CDK14: variants seen among roughly 807,000 people sequenced by gnomAD.
CDK14 encodes cyclin dependent kinase 14.
In CDK14, 34 loss-of-function variants were observed where a neutral mutation model predicts 60.7. The observed-to-expected ratio is 0.56, with a 90% CI of 0.43 to 0.75. The LOEUF (loss-of-function observed/expected upper bound fraction) is 0.75, where lower values mean the gene tolerates loss of function less well. CDK14 is among the 30% of genes least tolerant of loss of function. The pLI, the probability that CDK14 is intolerant of heterozygous loss-of-function variation, is 0.00. For synonymous variants in CDK14, 197 were observed against 203.7 expected (o/e 0.97, Z 0.28); for missense variants, 482 against 564.1 (o/e 0.85, Z 1.47).
chr7:90,737,621 C>G (rs928895948), intron 3 of CDK14, among the ~76,000 whole-genome samples: 1 of 152,156 alleles, frequency 6.6e-6, no homozygotes, highest in African/African-American at 2.4e-5. Flanking sequence ...AACCAAGTTA[C>G]CTATCAATGA....
At chr7:90,757,280 T>C (rs1804115782) in intron 4 of CDK14, among the ~76,000 whole-genome samples, 1 of 147,668 alleles carries the variant, frequency 6.8e-6, no homozygotes, top group South Asian at 2.1e-4. Flanking sequence ...AAGTTTTCCC[T>C]TTCTGTCAGG....
chr7:91,136,700 T>G (rs1357409783), intron 14 of CDK14, among the ~76,000 whole-genome samples: 1 of 152,220 alleles, frequency 6.6e-6, no homozygotes. Flanking sequence ...CTTGAGGTTT[T>G]CTGAATTAAG....
chr7:90,931,613 A>G (rs1468095618), intron 8 of CDK14, among the ~76,000 whole-genome samples: 4 of 152,240 alleles, frequency 2.6e-5, no homozygotes, highest in Non-Finnish European at 4.4e-5. Flanking sequence ...AGGAAGGGAT[A>G]AGAGAGGAAA....
intron 4 of CDK14, among the ~76,000 whole-genome samples, chr7:90,758,809 A>C (rs1415973664): frequency 1.3e-5 from 2 of 152,240 alleles, no homozygotes; most frequent in African/African-American, 2.4e-5. Context: ...CTATCCCAGC[A>C]CTTTGCAAGG....
At chr7:91,088,589 G>GTA (rs1798708335) in intron 12 of CDK14, among the ~76,000 whole-genome samples, 1 of 151,638 alleles carries the variant, frequency 6.6e-6, no homozygotes, top group Admixed American at 6.6e-5. Flanking sequence ...GTGTGTGTGT[G>GTA]TGTGGTTATT....
chr7:90,709,657 A>G, intron 2 of CDK14: 1 of 1,599,274 alleles, frequency 6.3e-7, no homozygotes, highest in Non-Finnish European at 8.5e-7. Context: ...TTTGGAGAAA[A>G]TAATTGAGCT....
At chr7:91,013,657 T>G (rs34733080) in intron 10 of CDK14, among the ~76,000 whole-genome samples, 704 of 41,222 alleles carry the variant, frequency 0.017, 3 homozygotes, top group South Asian at 0.045. Flanking sequence ...ATTGCCTCTG[T>G]TTTTTTTTTT....
chr7:90,998,519 CTG>C (rs1465266313), intron 10 of CDK14, among the ~76,000 whole-genome samples: 2 of 152,086 alleles, frequency 1.3e-5, no homozygotes, highest in Non-Finnish European at 2.9e-5. Flanking sequence ...TTTATGGAAA[CTG>C]TGGTAGGTGG....
chr7:90,901,206 C>T (rs1257290606), intron 7 of CDK14, among the ~76,000 whole-genome samples: 1 of 152,112 alleles, frequency 6.6e-6, no homozygotes, highest in Non-Finnish European at 1.5e-5. Flanking sequence ...GTCCAGGTTG[C>T]ACCATGGTGA....
intron 4 of CDK14, among the ~76,000 whole-genome samples, chr7:90,765,315 C>T (rs1325624036): frequency 1.3e-5 from 2 of 151,992 alleles, no homozygotes; most frequent in African/African-American, 2.4e-5. Flanking sequence ...GAGTTGAGGG[C>T]ACCTGGAACT....
intron 12 of CDK14, among the ~76,000 whole-genome samples, chr7:91,102,945 C>CA (rs1323497192): frequency 4.6e-5 from 7 of 152,106 alleles, no homozygotes; most frequent in African/African-American, 1.4e-4. Flanking sequence ...GTTGTGTCTC[C>CA]ACATTGTATT....
chr7:90,683,318 C>T (rs985184786), intron 2 of CDK14, among the ~76,000 whole-genome samples: 1 of 152,198 alleles, frequency 6.6e-6, no homozygotes. Flanking sequence ...AATTTTGGTG[C>T]TCAGATTATC....
intron 5 of CDK14, among the ~76,000 whole-genome samples, chr7:90,799,040 T>C (rs531559885): frequency 2.0e-5 from 3 of 152,364 alleles, no homozygotes; most frequent in Admixed American, 6.5e-5. Flanking sequence ...CTCTCTGATA[T>C]TGTATTCTAG....
intron 5 of CDK14, among the ~76,000 whole-genome samples, chr7:90,838,773 AC>A (rs1790196091): frequency 6.6e-6 from 1 of 151,950 alleles, no homozygotes; most frequent in South Asian, 2.1e-4. Flanking sequence ...CTGCTCTTGA[AC>A]CCTGTTTCCT....
At chr7:90,692,672 C>A in intron 2 of CDK14, 1 of 979,878 alleles carries the variant, frequency 1.0e-6, no homozygotes, top group Non-Finnish European at 1.2e-6. Context: ...CTGTTCTCTG[C>A]TTCCTGCCCC....
At chr7:90,895,369 C>A (rs1389531154) in intron 6 of CDK14, among the ~76,000 whole-genome samples, 345 of 3,712 alleles carry the variant, frequency 0.093, 18 homozygotes, top group Middle Eastern at 0.17. Flanking sequence ...ACCTCTCCTC[C>A]CCTCCCCTCT....
At chr7:90,879,969 C>A (rs747705269) in intron 6 of CDK14, among the ~76,000 whole-genome samples, 1 of 152,202 alleles carries the variant, frequency 6.6e-6, no homozygotes, top group Non-Finnish European at 1.5e-5. Context: ...ACCCACCAAT[C>A]GGAAGATCCC....
chr7:91,091,077 T>G (rs1798791616), intron 12 of CDK14, among the ~76,000 whole-genome samples: 1 of 151,582 alleles, frequency 6.6e-6, no homozygotes, highest in East Asian at 1.9e-4. Context: ...TCATCCTTTT[T>G]GAAATGACCT....
At chr7:91,038,415 C>A (rs1796992075) in intron 10 of CDK14, among the ~76,000 whole-genome samples, 2 of 152,094 alleles carry the variant, frequency 1.3e-5, no homozygotes, top group African/African-American at 4.8e-5. Flanking sequence ...CACTTAGAGT[C>A]CAATGAAAGA....
Sources: gnomAD v4.1 joint callset for allele counts (sites outside exome capture counted in the v4.1 genomes callset) on GRCh38, gnomAD v4.1.1 for gene constraint, MANE v1.5 for transcripts, NCBI Gene and HGNC (gene_info 2026-07-23, HGNC 2026-07-21) for gene names.